The following CHLSN variants were observed in gnomAD, a reference collection of about 807,000 sequenced individuals.
CHLSN encodes the protein cholesin.
the CHLSN span, among the ~76,000 whole-genome samples, chr7:1,048,971 C>A: frequency 6.6e-6 from 1 of 152,114 alleles, no homozygotes; most frequent in South Asian, 2.1e-4. Context: ...ATCAAAGCCC[C>A]AACTCAGAAC....
the CHLSN span, among the ~76,000 whole-genome samples, chr7:1,021,974 A>G: frequency 6.6e-6 from 1 of 152,172 alleles, no homozygotes; most frequent in Non-Finnish European, 1.5e-5. Context: ...GGGTGGCAGG[A>G]AAGCCCAAGT....
the CHLSN span, among the ~76,000 whole-genome samples, chr7:1,116,071 G>A: frequency 8.0e-6 from 1 of 124,308 alleles, no homozygotes; most frequent in Non-Finnish European, 1.8e-5. Context: ...CGACGCCCAC[G>A]CAGGATGATG....
the CHLSN span, among the ~76,000 whole-genome samples, chr7:979,558 C>T: frequency 6.6e-6 from 1 of 152,050 alleles, no homozygotes; most frequent in South Asian, 2.1e-4. Context: ...TCAAGACCAG[C>T]CTGGCCAACA....
the CHLSN span, among the ~76,000 whole-genome samples, chr7:992,122 C>T: frequency 2.0e-5 from 3 of 152,290 alleles, no homozygotes; most frequent in Admixed American, 6.5e-5. Context: ...TGGCTCACGA[C>T]GTGGCTGAAC....
At chr7:1,002,096 G>A in the CHLSN span, among the ~76,000 whole-genome samples, 1 of 138,380 alleles carries the variant, frequency 7.2e-6, no homozygotes, top group South Asian at 2.5e-4. Context: ...GGTGAGTGGA[G>A]TCCTGTGGGT....
chr7:1,123,848 C>T, the CHLSN span, among the ~76,000 whole-genome samples: 1 of 152,042 alleles, frequency 6.6e-6, no homozygotes, highest in African/African-American at 2.4e-5. The surrounding 1 kb of genome is among the most constrained non-coding windows in gnomAD (Gnocchi z 4.4). Flanking sequence ...GAACGTGCTG[C>T]CGACCCCTGC....
At chr7:1,136,142 A>G in the CHLSN span, among the ~76,000 whole-genome samples, 8 of 79,842 alleles carry the variant, frequency 1.0e-4, no homozygotes, top group Non-Finnish European at 1.7e-4. Flanking sequence ...ATATACATAA[A>G]TATATAAATA....
At chr7:1,021,653 G>T in the CHLSN span, 1 of 872,340 alleles carries the variant, frequency 1.1e-6, no homozygotes, top group Non-Finnish European at 1.4e-6. Flanking sequence ...TGCCACCGCA[G>T]TGCCCTCTGG....
the CHLSN span, among the ~76,000 whole-genome samples, chr7:1,080,412 A>G: frequency 1.3e-5 from 2 of 152,234 alleles, no homozygotes; most frequent in African/African-American, 2.4e-5. Flanking sequence ...CAAGCGCAGG[A>G]GGCACGGGGA....
chr7:1,024,719 G>T, the CHLSN span: 1 of 152,310 alleles, frequency 6.6e-6, no homozygotes, highest in South Asian at 2.1e-4. Flanking sequence ...TGGCCTGGAC[G>T]GGAGGGACAC....
chr7:1,063,731 C>T, the CHLSN span, among the ~76,000 whole-genome samples: 2 of 152,350 alleles, frequency 1.3e-5, no homozygotes, highest in East Asian at 1.9e-4. Context: ...ATCTTAATGA[C>T]GTCTTGGCCT....
At chr7:1,000,596 T>C in the CHLSN span, 73 of 1,502,506 alleles carry the variant, frequency 4.9e-5, no homozygotes, top group Non-Finnish European at 6.6e-5. Context: ...GGCAAAAGAC[T>C]CCCGGGCAGC....
At chr7:1,070,552 GCA>G in the CHLSN span, among the ~76,000 whole-genome samples, 12,929 of 144,138 alleles carry the variant, frequency 0.09, 659 homozygotes, top group Non-Finnish European at 0.12. Flanking sequence ...AGGGACACAC[GCA>G]CACACGTGCA....
chr7:1,012,451 C>A, the CHLSN span, among the ~76,000 whole-genome samples: 1 of 152,266 alleles, frequency 6.6e-6, no homozygotes, highest in African/African-American at 2.4e-5. Flanking sequence ...CGCAGGCTTC[C>A]TGAGCGCCCG....
At chr7:1,004,877 G>A in the CHLSN span, among the ~76,000 whole-genome samples, 26 of 152,192 alleles carry the variant, frequency 1.7e-4, no homozygotes, top group African/African-American at 6.0e-4. Flanking sequence ...CGGGGGCCAC[G>A]GCCACTGCAG....
the CHLSN span, among the ~76,000 whole-genome samples, chr7:1,001,715 G>A: frequency 3.2e-5 from 4 of 123,760 alleles, no homozygotes; most frequent in Non-Finnish European, 1.7e-5. Flanking sequence ...GGAGTCCTGT[G>A]GGTTAGTGGA....
At chr7:1,054,339 G>A in the CHLSN span, among the ~76,000 whole-genome samples, 13 of 152,350 alleles carry the variant, frequency 8.5e-5, no homozygotes, top group African/African-American at 2.9e-4. Flanking sequence ...TGCACAGAGA[G>A]CAACCTGCAG....
the CHLSN span, among the ~76,000 whole-genome samples, chr7:1,066,926 A>G: frequency 7.5e-6 from 1 of 132,966 alleles, no homozygotes; most frequent in Non-Finnish European, 1.6e-5. Context: ...GTGCACCCAG[A>G]GGTGAGGGTT....
chr7:1,037,591 C>A, the CHLSN span, among the ~76,000 whole-genome samples: 54 of 146,688 alleles, frequency 3.7e-4, 9 homozygotes, highest in Admixed American at 3.4e-3. Flanking sequence ...AATCTCGGCT[C>A]ACTACAACCT....
Sources: allele counts gnomAD v4.1 joint callset (sites outside exome capture counted in the v4.1 genomes callset), GRCh38; gene constraint gnomAD v4.1.1; non-coding constraint Gnocchi (gnomAD v3.1); transcripts MANE v1.5; gene names NCBI Gene and HGNC (gene_info 2026-07-23, HGNC 2026-07-21).